MYOCOS: variants seen among roughly 807,000 people sequenced by gnomAD.
The protein encoded by MYOCOS is myocilin opposite strand.
chr1:171,602,465 C>A (rs1652161904), intron 1 of MYOCOS, among the ~76,000 whole-genome samples: 1 of 152,070 alleles, frequency 6.6e-6, no homozygotes, highest in Admixed American at 6.5e-5. Context: ...AAAGAAAATT[C>A]TGTGTGTAAA....
intron 1 of MYOCOS, among the ~76,000 whole-genome samples, chr1:171,606,612 G>A (rs1558078814): frequency 6.6e-6 from 1 of 152,198 alleles, no homozygotes; most frequent in African/African-American, 2.4e-5. Context: ...ACCAGTGCAC[G>A]AAACCCCTGT....
At chr1:171,610,270 G>T (rs1043811636) in intron 1 of MYOCOS, among the ~76,000 whole-genome samples, 1 of 152,160 alleles carries the variant, frequency 6.6e-6, no homozygotes, top group Admixed American at 6.5e-5. Context: ...CACCATGTTT[G>T]CAGGGTATCA....
At chr1:171,610,235 G>T (rs146765795) in intron 1 of MYOCOS, among the ~76,000 whole-genome samples, 1 of 152,324 alleles carries the variant, frequency 6.6e-6, no homozygotes, top group African/African-American at 2.4e-5. Flanking sequence ...GGATCATTGA[G>T]TCTCATCTTA....
At chr1:171,622,687 C>CAG (rs3047653) in intron 1 of MYOCOS, among the ~76,000 whole-genome samples, 81,702 of 151,860 alleles carry the variant, frequency 0.54, 22,248 homozygotes, top group East Asian at 0.67. Context: ...TCTAGAATGG[C>CAG]AGTCACCACG....
At chr1:171,620,199 T>C (rs974661401), upstream of MYOCOS, among the ~76,000 whole-genome samples, 4 of 151,654 alleles carry the variant, frequency 2.6e-5, no homozygotes, top group African/African-American at 9.7e-5. Flanking sequence ...AGGTGAGGAC[T>C]GAACTCTGAT....
chr1:171,601,727 A>G (rs1047076738), intron 1 of MYOCOS, among the ~76,000 whole-genome samples: 20 of 152,080 alleles, frequency 1.3e-4, no homozygotes, highest in Admixed American at 1.1e-3. Context: ...ACCCAGACCA[A>G]TTTCCGTACA....
chr1:171,604,504 G>A (rs1052584325), intron 1 of MYOCOS: 2 of 152,184 alleles, frequency 1.3e-5, no homozygotes, highest in African/African-American at 4.8e-5. Context: ...TGACCAGCCC[G>A]ATGTGTGCTA....
At chr1:171,616,172 G>A (rs186654902) in intron 2 of MYOCOS, among the ~76,000 whole-genome samples, 35 of 152,152 alleles carry the variant, frequency 2.3e-4, no homozygotes, top group East Asian at 1.9e-3. Flanking sequence ...AGCCAAGATC[G>A]TGCCACTGCA....
chr1:171,612,575 C>T (rs1355169239), intron 1 of MYOCOS, among the ~76,000 whole-genome samples: 1 of 151,752 alleles, frequency 6.6e-6, no homozygotes, highest in Non-Finnish European at 1.5e-5. Context: ...CCTATAATCC[C>T]AGCACTTTGG....
chr1:171,616,081 G>T (rs1652445270), intron 2 of MYOCOS, among the ~76,000 whole-genome samples: 2 of 151,956 alleles, frequency 1.3e-5, no homozygotes, highest in South Asian at 4.2e-4. Flanking sequence ...GCCAGGCATG[G>T]TGGCACATGC....
upstream of MYOCOS, among the ~76,000 whole-genome samples, chr1:171,621,960 T>C (rs577684311): frequency 2.0e-5 from 3 of 152,298 alleles, no homozygotes; most frequent in South Asian, 6.2e-4. Context: ...TTACTCCTCT[T>C]TTACAAGTAA....
upstream of MYOCOS, among the ~76,000 whole-genome samples, chr1:171,618,701 G>A (rs894341836): frequency 3.3e-5 from 5 of 152,104 alleles, no homozygotes; most frequent in South Asian, 2.1e-4. Context: ...TCTGCCTCCC[G>A]AGTAGCTGGG....
At chr1:171,625,984 T>C (rs939588396) in intron 2 of MYOCOS, among the ~76,000 whole-genome samples, 1 of 152,202 alleles carries the variant, frequency 6.6e-6, no homozygotes, top group African/African-American at 2.4e-5. Context: ...TATATCTCAT[T>C]TCTGCAAGGT....
At chr1:171,625,996 AG>A (rs1175194715) in intron 2 of MYOCOS, among the ~76,000 whole-genome samples, 3 of 152,140 alleles carry the variant, frequency 2.0e-5, no homozygotes, top group Non-Finnish European at 2.9e-5. Context: ...CTGCAAGGTG[AG>A]TATGGGTGGA....
At chr1:171,616,045 T>A (rs980497704) in intron 2 of MYOCOS, among the ~76,000 whole-genome samples, 2 of 148,686 alleles carry the variant, frequency 1.3e-5, no homozygotes, top group Admixed American at 1.3e-4. Flanking sequence ...TGGTGAAACC[T>A]GTCTCTACTA....
intron 2 of MYOCOS, among the ~76,000 whole-genome samples, chr1:171,617,156 G>A (rs1372014556): frequency 6.6e-6 from 1 of 152,086 alleles, no homozygotes; most frequent in African/African-American, 2.4e-5. Context: ...CAGACAGTGT[G>A]AGAAAGTTCT....
rs184473116 is a variant in MYOCOS, at chr1:171,606,503, A to G, written c.-252+5423A>G. Among the ~76,000 whole-genome samples, 535 of 152,350 alleles carry G rather than the reference A, an allele frequency of 3.5e-3. 3 individuals carry two copies. Among genetic ancestry groups the G allele is most frequent in the African/African-American group, 0.012 (510 of 41,584 alleles). ...CCTGGCCTAAACCCAGTAGTTAAAA[A>G]TCAACTCCTGACTTAGAATCCGATG... On this transcript the variant is annotated intron_variant, in intron 1 of 3. Coordinates refer to the MYOCOS transcript ENST00000636697.
At chr1:171,615,603 G>A (rs1473468215) in intron 2 of MYOCOS, among the ~76,000 whole-genome samples, 5 of 152,188 alleles carry the variant, frequency 3.3e-5, no homozygotes, top group South Asian at 2.1e-4. Flanking sequence ...CTTAGAAACC[G>A]ATGTTATTCA....
At chr1:171,618,926 C>A (rs892812234), upstream of MYOCOS, among the ~76,000 whole-genome samples, 2 of 152,016 alleles carry the variant, frequency 1.3e-5, no homozygotes, top group Non-Finnish European at 2.9e-5. Flanking sequence ...ACATGAGTAT[C>A]TTTTGACATG....
Sources: allele counts gnomAD v4.1 joint callset (sites outside exome capture counted in the v4.1 genomes callset), GRCh38; gene constraint gnomAD v4.1.1; transcripts MANE v1.5; gene names NCBI Gene and HGNC (gene_info 2026-07-23, HGNC 2026-07-21).